ZNF385D: variants seen among roughly 807,000 people sequenced by gnomAD.
The protein encoded by ZNF385D is zinc finger protein 385D.
ZNF385D carries 15 observed loss-of-function variants against 35.8 expected under a neutral mutation model. The observed-to-expected ratio is 0.42, with a 90% CI of 0.28 to 0.64. ZNF385D has a LOEUF of 0.64. ZNF385D is among the 30% of genes least tolerant of loss of function. The probability of loss-of-function intolerance (pLI) is 0.23; values close to 1 mark genes in which losing one functional copy is unlikely to be tolerated. For missense variants in ZNF385D, 474 were observed against 494.6 expected (o/e 0.96, Z 0.39); for synonymous variants, 212 against 186.8 (o/e 1.13, Z -1.10).
intron 3 of ZNF385D, among the ~76,000 whole-genome samples, chr3:22,050,757 T>C (rs1699302640): frequency 6.6e-6 from 1 of 152,212 alleles, no homozygotes; most frequent in Non-Finnish European, 1.5e-5. Context: ...TATTATGTAT[T>C]TGTTTAAAAA....
intron 3 of ZNF385D, among the ~76,000 whole-genome samples, chr3:21,954,357 G>T (rs1389817029): frequency 6.6e-6 from 1 of 151,808 alleles, no homozygotes; most frequent in Non-Finnish European, 1.5e-5. Context: ...AAACACATAG[G>T]GATCAATATT....
chr3:21,447,346 T>C (rs1007911264), intron 4 of ZNF385D, among the ~76,000 whole-genome samples: 1 of 112,888 alleles, frequency 8.9e-6, no homozygotes, highest in Non-Finnish European at 1.8e-5. Context: ...TTTCCTCCAG[T>C]AGGGCAGAAT....
At chr3:21,440,243 A>C (rs1013371215) in intron 4 of ZNF385D, among the ~76,000 whole-genome samples, 1 of 152,154 alleles carries the variant, frequency 6.6e-6, no homozygotes, top group Non-Finnish European at 1.5e-5. Flanking sequence ...TATTGTCCAC[A>C]CATTAAAATA....
chr3:21,575,813 A>G (rs987542272), intron 2 of ZNF385D, among the ~76,000 whole-genome samples: 1 of 152,196 alleles, frequency 6.6e-6, no homozygotes, highest in African/African-American at 2.4e-5. Flanking sequence ...CCCAGCCATT[A>G]GCAGAGTGGC....
At chr3:22,240,340 C>T (rs1699424860) in intron 2 of ZNF385D, among the ~76,000 whole-genome samples, 1 of 150,926 alleles carries the variant, frequency 6.6e-6, no homozygotes, top group Non-Finnish European at 1.5e-5. Flanking sequence ...ACACATAACC[C>T]ACAAACTAAC....
At chr3:22,003,864 C>G (rs1456870436) in intron 3 of ZNF385D, among the ~76,000 whole-genome samples, 1 of 137,822 alleles carries the variant, frequency 7.3e-6, no homozygotes, top group Non-Finnish European at 1.6e-5. Flanking sequence ...AAGACTCCAT[C>G]CCCCCACCAA....
chr3:21,782,030 T>C lies in ZNF385D; in HGVS notation c.326-117002A>G, dbSNP rs1011083431. On this transcript the variant is annotated intron_variant, in intron 3 of 5. Transcript: ENST00000494108. ...CCGCCTCCACTAGGGCGAGGACTCC[T>C]CTGCACCCTATATGCTTTGTTCCTC... 5.3e-5 allele frequency among the ~76,000 whole-genome samples: 8 copies of C among 152,224 alleles called. 1 individual carries two copies. Among genetic ancestry groups the C allele is most frequent in the East Asian group, 1.9e-4 (1 of 5,144 alleles).
chr3:22,074,587 C>T (rs144179711), intron 3 of ZNF385D, among the ~76,000 whole-genome samples: 154 of 151,980 alleles, frequency 1.0e-3, no homozygotes, highest in African/African-American at 3.3e-3. Flanking sequence ...ATTGATACTG[C>T]CTGGTATTTC....
rs1575423204 is a variant in ZNF385D at position 21,665,280 on chromosome 3, C to T, written c.23-252G>A. Among the ~76,000 whole-genome samples the T allele has an allele frequency of 2.6e-5, 4 of 152,118 alleles. No individual in the cohort carries two copies. The South Asian group carries it at 8.3e-4, about 31-fold the overall frequency. On this transcript the variant is annotated intron_variant, in intron 1 of 7. Transcript: ENST00000281523. ...AAGTAACATCAACATTTCAAATGCC[C>T]CAACCTGTCTTTATTTTCCTGCCTA...
Position 21,416,047 on chromosome 3 carries a change from G to A in ZNF385D, c.*5167C>T, listed in dbSNP as rs1401593292. On this transcript the variant is annotated 3_prime_UTR_variant, in exon 8 of 8. Coordinates refer to ENST00000281523, the MANE Select transcript of ZNF385D (RefSeq NM_024697.3). Reference sequence around the variant, plus strand: ...TTTTTTTTTTTTTTTTTTTTGAGACGGAGTCTCGCTCTGTCGCCCAGGTCG... The same window carrying A: ...TTTTTTTTTTTTTTTTTTTTGAGACAGAGTCTCGCTCTGTCGCCCAGGTCG... 2.8e-4 allele frequency: 1 copy of A among 3,544 alleles called. No homozygotes were observed. Among genetic ancestry groups the A allele is most frequent in the Admixed American group, 5.2e-3 (1 of 192 alleles). 0.2% of individuals were successfully genotyped at this position (3,544 alleles called of 1,614,324 possible).
At chr3:21,607,282 A>G (rs2064511340) in intron 2 of ZNF385D, among the ~76,000 whole-genome samples, 1 of 152,204 alleles carries the variant, frequency 6.6e-6, no homozygotes, top group Non-Finnish European at 1.5e-5. Flanking sequence ...GTTTGCATTA[A>G]TGACTTAACG....
chr3:21,818,973 TAAAC>T (rs1038121914), intron 3 of ZNF385D, among the ~76,000 whole-genome samples: 3 of 151,972 alleles, frequency 2.0e-5, no homozygotes, highest in Non-Finnish European at 4.4e-5. Flanking sequence ...TATTCAAAAT[TAAAC>T]AAAAGTAAAA....
intron 3 of ZNF385D, among the ~76,000 whole-genome samples, chr3:22,025,014 C>T (rs538359484): frequency 5.9e-5 from 9 of 152,256 alleles, no homozygotes; most frequent in African/African-American, 2.2e-4. Context: ...GCAGCCTCAC[C>T]AGGGGTCTAC....
At chr3:22,201,750 T>C (rs1016767381) in intron 2 of ZNF385D, among the ~76,000 whole-genome samples, 1 of 151,824 alleles carries the variant, frequency 6.6e-6, no homozygotes, top group African/African-American at 2.4e-5. Flanking sequence ...CAGGAAGGCA[T>C]GGTAAGTAAG....
At chr3:22,122,327 GT>G (rs765370146) in intron 3 of ZNF385D, among the ~76,000 whole-genome samples, 3 of 151,640 alleles carry the variant, frequency 2.0e-5, no homozygotes, top group African/African-American at 7.3e-5. Flanking sequence ...CTAAAAAATT[GT>G]TTTTTTTCCA....
intron 3 of ZNF385D, among the ~76,000 whole-genome samples, chr3:21,905,133 A>G (rs1331592902): frequency 6.8e-6 from 1 of 147,158 alleles, no homozygotes; most frequent in Non-Finnish European, 1.5e-5. Flanking sequence ...AATCTTGGAT[A>G]TTTACAAGAT....
chr3:22,158,894 T>A (rs974148191), intron 3 of ZNF385D, among the ~76,000 whole-genome samples: 1 of 152,084 alleles, frequency 6.6e-6, no homozygotes, highest in African/African-American at 2.4e-5. Flanking sequence ...TTATTACTAC[T>A]AGCTCCATTA....
chr3:21,492,509 A>C (rs1705508599), intron 4 of ZNF385D, among the ~76,000 whole-genome samples: 1 of 150,854 alleles, frequency 6.6e-6, no homozygotes, highest in South Asian at 2.1e-4. Flanking sequence ...ATGGCCGGGC[A>C]TGGTGGCTCA....
chr3:22,151,025 A>G (rs1262001382), intron 3 of ZNF385D, among the ~76,000 whole-genome samples: 2 of 152,202 alleles, frequency 1.3e-5, no homozygotes, highest in Non-Finnish European at 2.9e-5. Flanking sequence ...GTGAATTACG[A>G]AATAAAATAA....
Sources: allele counts gnomAD v4.1 joint callset (sites outside exome capture counted in the v4.1 genomes callset), GRCh38; gene constraint gnomAD v4.1.1; transcripts MANE v1.5; gene names NCBI Gene and HGNC (gene_info 2026-07-23, HGNC 2026-07-21).